Variants in CDH4 observed in about 807,000 individuals in gnomAD.
CDH4 encodes cadherin 4.
Under a neutral mutation model 86.0 loss-of-function variants are expected in CDH4, and 33 were observed. The ratio of observed to expected loss-of-function variants is 0.38; its 90% CI spans 0.29 to 0.51. The LOEUF (loss-of-function observed/expected upper bound fraction) is 0.51, where lower values mean the gene tolerates loss of function less well. CDH4 is among the 20% of genes least tolerant of loss of function. The probability of loss-of-function intolerance (pLI) is 0.86; values close to 1 mark genes in which losing one functional copy is unlikely to be tolerated. For missense variants in CDH4, 1,114 were observed against 1,307.4 expected, an observed-to-expected ratio of 0.85 and a Z score of 2.28; for synonymous variants, 555 against 549.4, an observed-to-expected ratio of 1.01 and a Z score of -0.14.
At chr20:61,900,432 A>C (rs3827113) in intron 8 of CDH4, among the ~76,000 whole-genome samples, 1 of 151,884 alleles carries the variant, frequency 6.6e-6, no homozygotes, top group Non-Finnish European at 1.5e-5. Flanking sequence ...GCTCCCACCC[A>C]CCCGACATCA....
At chr20:61,884,635 A>AG (rs1420031960) in intron 7 of CDH4, among the ~76,000 whole-genome samples, 4 of 151,872 alleles carry the variant, frequency 2.6e-5, no homozygotes, top group Non-Finnish European at 4.4e-5. Flanking sequence ...CTCAGAAAGG[A>AG]GCCCTCCGCA....
At chr20:61,526,347 C>T (rs2085910139) in intron 2 of CDH4, among the ~76,000 whole-genome samples, 2 of 152,164 alleles carry the variant, frequency 1.3e-5, no homozygotes, top group Non-Finnish European at 2.9e-5. Context: ...GAGTCCCCCA[C>T]CCAGCCTTCC....
At chr20:61,636,912 G>T (rs944271) in intron 2 of CDH4, among the ~76,000 whole-genome samples, 21 of 152,110 alleles carry the variant, frequency 1.4e-4, no homozygotes, top group African/African-American at 5.1e-4. Flanking sequence ...ACCAGGGCCG[G>T]GCCACTCACC....
In CDH4 at chr20:61,465,865, C is replaced by CTT. The variant is rs202098908; in HGVS notation, c.169+210940_169+210941dup. ...TAGGGTGTAAATAGGACTTTTTTTTCTTTTTTTTTTTTTGCAGGGTGGCAG... is the reference window on the plus strand; with the variant it reads ...TAGGGTGTAAATAGGACTTTTTTTTCTTTTTTTTTTTTTTTGCAGGGTGGCAG... On this transcript the variant is annotated intron_variant, in intron 2 of 15. Coordinates refer to ENST00000614565, the MANE Select transcript of CDH4 (RefSeq NM_001794.5). 7.2e-3 allele frequency among the ~76,000 whole-genome samples: 993 copies of CTT among 137,940 alleles called. 12 individuals carry two copies. Among genetic ancestry groups the CTT allele is most frequent in the African/African-American group, 0.024 (910 of 37,630 alleles). 90.5% of individuals were successfully genotyped at this position (137,940 alleles called of 152,430 possible). A position where few individuals can be genotyped will look rare whatever the true frequency, so the allele number is the denominator to read the frequency against.
At chr20:61,565,257 A>T (rs117818065) in intron 2 of CDH4, among the ~76,000 whole-genome samples, 4 of 14,878 alleles carry the variant, frequency 2.7e-4, no homozygotes, top group African/African-American at 5.1e-4. Context: ...GCTCTTGGTG[A>T]TGGTGGTGGT....
chr20:61,617,801 T>C (rs1203105847), intron 2 of CDH4, among the ~76,000 whole-genome samples: 1 of 151,904 alleles, frequency 6.6e-6, no homozygotes, highest in African/African-American at 2.4e-5. Flanking sequence ...CCTGATAGGG[T>C]TTGGCTGTCT....
intron 2 of CDH4, among the ~76,000 whole-genome samples, chr20:61,524,201 C>T (rs1309605956): frequency 6.6e-6 from 1 of 152,132 alleles, no homozygotes; most frequent in Non-Finnish European, 1.5e-5. Context: ...AGGAACATTG[C>T]TATGGAAAGG....
intron 9 of CDH4, among the ~76,000 whole-genome samples, chr20:61,920,081 G>GCTGATTGCATGGAAGT (rs2054955736): frequency 1.2e-4 from 1 of 8,252 alleles, no homozygotes; most frequent in Admixed American, 1.2e-3. Flanking sequence ...GTGGTGTCAC[G>GCTGATTGCATGGAAGT]GTGATTGCGT....
intron 2 of CDH4, among the ~76,000 whole-genome samples, chr20:61,583,130 C>CG (rs1274166022): frequency 2.5e-5 from 3 of 120,716 alleles, no homozygotes; most frequent in Admixed American, 1.8e-4. Flanking sequence ...GAAGGCTCTG[C>CG]GGGGGGACAG....
intron 2 of CDH4, among the ~76,000 whole-genome samples, chr20:61,692,003 A>T (rs2087660956): frequency 6.6e-6 from 1 of 152,236 alleles, no homozygotes; most frequent in Admixed American, 6.5e-5. Flanking sequence ...TTTGCCAAGG[A>T]CGTAAAATTC....
At chr20:61,548,924 C>G (rs886616027) in intron 2 of CDH4, among the ~76,000 whole-genome samples, 1 of 151,554 alleles carries the variant, frequency 6.6e-6, no homozygotes, top group Non-Finnish European at 1.5e-5. Context: ...AGAGCTGATG[C>G]CTTCAGAGAG....
At chr20:61,438,664 C>T (rs1414291067) in intron 2 of CDH4, among the ~76,000 whole-genome samples, 2 of 152,132 alleles carry the variant, frequency 1.3e-5, no homozygotes, top group Non-Finnish European at 2.9e-5. Context: ...GGAAGCTGCT[C>T]TGAAAACATT....
intron 2 of CDH4, among the ~76,000 whole-genome samples, chr20:61,723,571 AC>A (rs957382936): frequency 4.2e-4 from 64 of 152,076 alleles, no homozygotes; most frequent in Non-Finnish European, 1.0e-4. Context: ...TACCCCAAGC[AC>A]CTGCTCTTCT....
chr20:61,403,403 G>A (rs933598828), intron 2 of CDH4, among the ~76,000 whole-genome samples: 10 of 152,126 alleles, frequency 6.6e-5, no homozygotes, highest in Non-Finnish European at 1.2e-4. Context: ...TGGGGGCAGC[G>A]GTGGTACTGA....
intron 2 of CDH4, among the ~76,000 whole-genome samples, chr20:61,743,357 T>TC (rs1163103658): frequency 4.6e-5 from 7 of 152,076 alleles, no homozygotes; most frequent in East Asian, 3.9e-4. Context: ...TTGCTTTTCT[T>TC]CCCCCCCTTT....
chr20:61,681,632 C>T lies in CDH4; in HGVS notation c.170-61931C>T, dbSNP rs2087513826. On this transcript the variant is annotated intron_variant, in intron 2 of 15. Coordinates refer to ENST00000614565, the MANE Select transcript of CDH4 (RefSeq NM_001794.5). This position sits in a 1 kb window ranked among gnomAD's most constrained non-coding sequence, Gnocchi z 4.5. The stretch of plus-strand genomic sequence containing the variant: ...AGTCTCAGGATCCCCCTGCAGGAAG[C>T]CCGGAATCCCTTCCACAGGCACAGA... Among the ~76,000 whole-genome samples the T allele has an allele frequency of 1.3e-5, 2 of 152,204 alleles. No individual in the cohort carries two copies. Among genetic ancestry groups the T allele is most frequent in the Admixed American group, 6.5e-5 (1 of 15,286 alleles).
chr20:61,415,594 C>T (rs2085142278), intron 2 of CDH4, among the ~76,000 whole-genome samples: 1 of 152,118 alleles, frequency 6.6e-6, no homozygotes, highest in African/African-American at 2.4e-5. Context: ...ATGTGACTGC[C>T]CTAGGGACCC....
chr20:61,918,865 A>G (rs2122954139), intron 9 of CDH4, among the ~76,000 whole-genome samples: 1 of 152,098 alleles, frequency 6.6e-6, no homozygotes, highest in South Asian at 2.1e-4. Context: ...ATCCAATACT[A>G]TTATTTAGGC....
chr20:61,408,046 G>C (rs2085093727), intron 2 of CDH4, among the ~76,000 whole-genome samples: 2 of 152,174 alleles, frequency 1.3e-5, no homozygotes, highest in African/African-American at 4.8e-5. Context: ...GCAGGTTACA[G>C]GGGGAAGTCT....
Sources: allele counts gnomAD v4.1 joint callset (sites outside exome capture counted in the v4.1 genomes callset), GRCh38; gene constraint gnomAD v4.1.1; non-coding constraint Gnocchi (gnomAD v3.1); transcripts MANE v1.5; gene names NCBI Gene and HGNC (gene_info 2026-07-23, HGNC 2026-07-21).